The following MCF2 variants were observed in gnomAD, a reference collection of about 807,000 sequenced individuals.
MCF2 encodes proto-oncogene DBL.
MCF2 carries 44 observed loss-of-function variants against 82.5 expected under a neutral mutation model. That is an observed-to-expected ratio of 0.53 (90% CI 0.42 to 0.69). The LOEUF is 0.69. Among genes scored for constraint, MCF2 ranks in the 30% least tolerant of loss-of-function variants. The pLI, the probability that MCF2 is intolerant of heterozygous loss-of-function variation, is 0.00. For missense variants in MCF2, 623 were observed against 663.1 expected (o/e 0.94, Z 0.66); for synonymous variants, 217 against 224.9 (o/e 0.96, Z 0.32).
At chrX:139,606,427 G>A (rs1240639042) in intron 12 of MCF2, among the ~76,000 whole-genome samples, 3 of 110,237 alleles carry the variant, frequency 2.7e-5, no homozygotes, top group Non-Finnish European at 3.8e-5. Context: ...GGGTAATCTC[G>A]GCTTACTGCA....
chrX:139,638,227 C>G (rs978266401), intron 1 of MCF2, among the ~76,000 whole-genome samples: 1 of 111,147 alleles, frequency 9.0e-6, no homozygotes, highest in African/African-American at 3.3e-5. Context: ...GAATTAAAAC[C>G]CCGCTTCACC....
chrX:139,584,498 T>A lies in MCF2; in HGVS notation c.2745+568A>T, dbSNP rs183939682. Among the ~76,000 whole-genome samples, 7 of 111,332 alleles carry A rather than the reference T, an allele frequency of 6.3e-5. No homozygotes were observed. In the Admixed American group the frequency reaches 6.7e-4, roughly 11 times the overall value. Reference sequence around the variant, plus strand: ...CCTCCTCTTTAATAGCCCACTGGTATCCTACCAACTTGCAAACTATTCCTT... The same window carrying A: ...CCTCCTCTTTAATAGCCCACTGGTAACCTACCAACTTGCAAACTATTCCTT... On this transcript the variant is annotated intron_variant, in intron 24 of 24. Transcript: ENST00000370576.
intron 19 of MCF2, among the ~76,000 whole-genome samples, chrX:139,594,622 C>T (rs199671196): frequency 9.0e-6 from 1 of 111,364 alleles, no homozygotes; most frequent in African/African-American, 3.3e-5. Flanking sequence ...CTATAAAAAT[C>T]CTAGAAGAAA....
chrX:139,670,130 G>A (rs968072850), intron 1 of MCF2, among the ~76,000 whole-genome samples: 2 of 103,917 alleles, frequency 1.9e-5, no homozygotes, highest in African/African-American at 8.4e-5. Flanking sequence ...AACGATGAAT[G>A]TACTTTTTTC....
chrX:139,645,182 G>A (rs1933758848), upstream of MCF2, among the ~76,000 whole-genome samples: 1 of 110,468 alleles, frequency 9.1e-6, no homozygotes, highest in East Asian at 2.8e-4. Context: ...TGGGGTGGTT[G>A]GATTACTATT....
At chrX:139,634,655 T>C (rs1167880979) in intron 1 of MCF2, among the ~76,000 whole-genome samples, 3 of 111,674 alleles carry the variant, frequency 2.7e-5, no homozygotes, top group Non-Finnish European at 5.7e-5. Context: ...AACTCATAAT[T>C]CCCCCAGGAG....
At chrX:139,645,495 C>G, upstream of MCF2, 10 of 601,799 alleles carry the variant, frequency 1.7e-5, no homozygotes, top group East Asian at 3.7e-5. Context: ...CCAAAGTAAT[C>G]TATACCTCCC....
At chrX:139,677,718 C>G (rs1165239795) in intron 1 of MCF2, among the ~76,000 whole-genome samples, 2 of 111,929 alleles carry the variant, frequency 1.8e-5, no homozygotes, top group Non-Finnish European at 3.8e-5. Context: ...ACAAGAAAAA[C>G]TCCTACATTA....
chrX:139,610,215 A>G lies in MCF2; in HGVS notation c.1401+86T>C, dbSNP rs1017761870. 1.4e-5 allele frequency: 8 copies of G among 582,346 alleles called. No homozygotes were observed. The African/African-American group carries it at 1.4e-4, about 10-fold the overall frequency. 48.0% of individuals were successfully genotyped at this position (582,346 alleles called of 1,213,427 possible). A position where few individuals can be genotyped will look rare whatever the true frequency, so the allele number is the denominator to read the frequency against. On this transcript the variant is annotated intron_variant, in intron 11 of 24. Coordinates refer to ENST00000370576, the Ensembl canonical transcript of MCF2. Reference sequence around the variant, plus strand: ...TCTTTCAAAGACACAATATTTGTCTAGTGAATGAAACATGTGATTTAAGGC... The same window carrying G: ...TCTTTCAAAGACACAATATTTGTCTGGTGAATGAAACATGTGATTTAAGGC...
intron 2 of MCF2, 142 bp downstream of exon 2, chrX:139,651,578 T>C (rs1934015286): frequency 2.7e-6 from 1 of 371,869 alleles, no homozygotes; most frequent in Non-Finnish European, 4.8e-6. Context: ...AATGTACAAA[T>C]GTTTATTGAA....
At chrX:139,584,063 A>T (rs1056094892) in intron 24 of MCF2, among the ~76,000 whole-genome samples, 4 of 108,415 alleles carry the variant, frequency 3.7e-5, no homozygotes, top group Non-Finnish European at 5.7e-5. Flanking sequence ...AACAATATCT[A>T]CTTTTTTAAA....
chrX:139,642,782 C>T, exon 1 of MCF2: 1 of 1,014,528 alleles, frequency 9.9e-7, no homozygotes, highest in Non-Finnish European at 1.3e-6. Flanking sequence ...AATTACTTAG[C>T]CTGATTGAAC....
chrX:139,589,742 T>G, intron 20 of MCF2, 93 bp downstream of exon 24: 2 of 620,934 alleles, frequency 3.2e-6, no homozygotes, highest in South Asian at 5.0e-5. Flanking sequence ...GTGGAAATTT[T>G]GAAATGCGAC....
At chrX:139,617,525 T>A in exon 8 of MCF2, 1 of 1,179,040 alleles carries the variant, frequency 8.5e-7, no homozygotes, top group South Asian at 2.0e-5. Context: ...GCTGTAGGAG[T>A]TTATGCATTT....
chrX:139,661,056 G>A (rs899293311), intron 1 of MCF2, among the ~76,000 whole-genome samples: 2 of 111,814 alleles, frequency 1.8e-5, no homozygotes, highest in Non-Finnish European at 3.8e-5. Context: ...TCTAAATTGA[G>A]GATGAGAGAA....
At chrX:139,622,240 G>C (rs1427076847) in intron 6 of MCF2, among the ~76,000 whole-genome samples, 77 of 111,754 alleles carry the variant, frequency 6.9e-4, no homozygotes, top group Non-Finnish European at 7.5e-5. Flanking sequence ...ACAGGTGCTG[G>C]AGAGGATGTG....
At chrX:139,587,196 G>A (rs1418299060) in intron 22 of MCF2, among the ~76,000 whole-genome samples, 1 of 111,004 alleles carries the variant, frequency 9.0e-6, no homozygotes, top group Non-Finnish European at 1.9e-5. Flanking sequence ...TCCACCTTTT[G>A]GAATTTCTAG....
chrX:139,691,290 G>C (rs1935256564), intron 1 of MCF2, among the ~76,000 whole-genome samples: 1 of 111,432 alleles, frequency 9.0e-6, no homozygotes, highest in Non-Finnish European at 1.9e-5. Context: ...GCCCTGCCAC[G>C]GCCCTGCTGC....
intron 19 of MCF2, among the ~76,000 whole-genome samples, chrX:139,595,062 A>C (rs1330964305): frequency 4.8e-4 from 53 of 109,943 alleles, no homozygotes; most frequent in African/African-American, 1.7e-3. Context: ...GCAATCATTA[A>C]AAAGTCAGGA....
Sources: allele counts gnomAD v4.1 joint callset (sites outside exome capture counted in the v4.1 genomes callset), GRCh38; gene constraint gnomAD v4.1.1; transcripts MANE v1.5; gene names NCBI Gene and HGNC (gene_info 2026-07-23, HGNC 2026-07-21).